Variants in LCORL observed in about 807,000 individuals in gnomAD.
LCORL encodes the protein ligand-dependent nuclear receptor corepressor-like protein.
LCORL carries 41 observed loss-of-function variants against 141.8 expected under a neutral mutation model. That is an observed-to-expected ratio of 0.29 (90% CI 0.23 to 0.38). LCORL has a LOEUF of 0.38. Among genes scored for constraint, LCORL ranks in the 10% least tolerant of loss-of-function variants. The probability of loss-of-function intolerance (pLI) is 1.00; values close to 1 mark genes in which losing one functional copy is unlikely to be tolerated. For missense variants in LCORL, 1,759 were observed against 2,035.0 expected (o/e 0.86, Z 2.61); for synonymous variants, 618 against 694.1 (o/e 0.89, Z 1.72).
At chr4:17,975,556 C>T (rs1716781969) in intron 1 of LCORL, among the ~76,000 whole-genome samples, 2 of 152,010 alleles carry the variant, frequency 1.3e-5, no homozygotes, top group African/African-American at 4.8e-5. Flanking sequence ...GCCATCACGC[C>T]CGGCTATTTT....
intron 5 of LCORL, among the ~76,000 whole-genome samples, chr4:17,901,430 C>A (rs1730861313): frequency 6.7e-6 from 1 of 150,186 alleles, no homozygotes; most frequent in Non-Finnish European, 1.5e-5. Flanking sequence ...TACCAATAAA[C>A]CCTTATTTAA....
At chr4:18,011,005 C>T (rs1366103217) in intron 1 of LCORL, among the ~76,000 whole-genome samples, 1 of 152,020 alleles carries the variant, frequency 6.6e-6, no homozygotes, top group Non-Finnish European at 1.5e-5. Flanking sequence ...TGAGGAAGAG[C>T]TCAGTTCTAT....
chr4:17,993,632 T>C (rs1339695619), intron 1 of LCORL, among the ~76,000 whole-genome samples: 3 of 152,264 alleles, frequency 2.0e-5, no homozygotes, highest in Non-Finnish European at 2.9e-5. Flanking sequence ...GGAGCCTAGT[T>C]ATGTTTTGCC....
At chr4:17,861,392 C>A (rs1295018707) in intron 7 of LCORL, among the ~76,000 whole-genome samples, 1 of 152,220 alleles carries the variant, frequency 6.6e-6, no homozygotes, top group Non-Finnish European at 1.5e-5. Context: ...ACCTCGGCCC[C>A]TTTTAGTCAC....
exon 7 of LCORL, chr4:17,874,289 T>A (rs1307375550): frequency 8.1e-7 from 1 of 1,233,854 alleles, no homozygotes; most frequent in Non-Finnish European, 1.0e-6. Context: ...ATTTCTCTGC[T>A]GATTTTGAAG....
intron 4 of LCORL, among the ~76,000 whole-genome samples, chr4:17,953,689 GA>G (rs1711945956): frequency 6.6e-6 from 1 of 152,210 alleles, no homozygotes; most frequent in Non-Finnish European, 1.5e-5. Context: ...TTTTGATTCT[GA>G]AAACATTTCT....
chr4:17,906,827 C>T (rs1482919788), intron 5 of LCORL, among the ~76,000 whole-genome samples: 1 of 151,996 alleles, frequency 6.6e-6, no homozygotes, highest in Non-Finnish European at 1.5e-5. Context: ...GCTGGGACTA[C>T]AGGCATGTGC....
At chr4:17,873,609 T>A in exon 7 of LCORL, 4 of 1,233,872 alleles carry the variant, frequency 3.2e-6, no homozygotes, top group Non-Finnish European at 4.0e-6. Flanking sequence ...ATTATTTGTG[T>A]TAGCATTTTC....
chr4:17,962,001 G>T lies in LCORL; in HGVS notation c.332C>A (p.Ser111Ter). Residue 111 changes from serine (S) to a stop codon, truncating the protein, a stop_gained, in exon 4 of 8, where the codon TCA becomes TAA. Coordinates refer to ENST00000635767, the Ensembl canonical transcript of LCORL. LOFTEE classifies it high-confidence loss of function. The stretch of plus-strand genomic sequence containing the variant: ...AGATGATAGCTCCTCTGTTGGTGTT[G>T]ACTGTGAAGAATCAAGAGATGGTAT... The T allele has an allele frequency of 6.2e-7, 1 of 1,607,832 alleles. No individual in the cohort carries two copies. The highest frequency in any genetic ancestry group is 1.1e-5 in the South Asian group (1 of 90,486).
At chr4:17,910,287 A>G (rs1003249973) in intron 4 of LCORL, among the ~76,000 whole-genome samples, 7 of 152,318 alleles carry the variant, frequency 4.6e-5, no homozygotes, top group African/African-American at 1.7e-4. Flanking sequence ...TTTTACACAC[A>G]CATTTCTGGT....
intron 2 of LCORL, among the ~76,000 whole-genome samples, chr4:17,966,843 C>A (rs1016599852): frequency 2.0e-5 from 3 of 152,076 alleles, no homozygotes; most frequent in Non-Finnish European, 2.9e-5. Context: ...GGTGGGAATG[C>A]GAAATGGTAC....
intron 7 of LCORL, among the ~76,000 whole-genome samples, chr4:17,869,002 C>T (rs1038398340): frequency 1.3e-5 from 2 of 151,808 alleles, no homozygotes; most frequent in African/African-American, 4.8e-5. Context: ...GGATTCTGCC[C>T]ACAAATTACC....
exon 8 of LCORL, chr4:17,843,563 G>C (rs1179509587): frequency 9.6e-6 from 9 of 935,826 alleles, no homozygotes; most frequent in South Asian, 8.5e-5. Flanking sequence ...ACGTTACTTT[G>C]GCCTGTATTA....
intron 1 of LCORL, among the ~76,000 whole-genome samples, chr4:18,006,960 C>T (rs1722917381): frequency 6.6e-6 from 1 of 152,126 alleles, no homozygotes; most frequent in Non-Finnish European, 1.5e-5. Flanking sequence ...TCTGTTCTTT[C>T]TCCTTTTTTC....
At chr4:17,927,892 C>T (rs546757107) in intron 4 of LCORL, among the ~76,000 whole-genome samples, 15 of 152,280 alleles carry the variant, frequency 9.9e-5, no homozygotes, top group African/African-American at 3.4e-4. Context: ...CGCAAACAGA[C>T]TTGTTCAATG....
intron 4 of LCORL, among the ~76,000 whole-genome samples, chr4:17,942,157 A>G (rs1187483669): frequency 6.6e-6 from 1 of 152,214 alleles, no homozygotes; most frequent in African/African-American, 2.4e-5. Context: ...ACAAAGTAAA[A>G]GTGTTAAAAA....
chr4:17,884,210 G>C lies in LCORL; in HGVS notation c.776+1858C>G. ...TCCTTCTAGGACTGAAGAGGTTTTG[G>C]AAACTTGATACATAACATCCAACAG... On this transcript the variant is annotated intron_variant, in intron 6 of 7. Transcript: ENST00000635767. The surrounding 1 kb of genome is among the most constrained non-coding windows in gnomAD (Gnocchi z 4.4). 6.5e-7 allele frequency: 1 copy of C among 1,549,894 alleles called. No individual in the cohort carries two copies. The highest frequency in any genetic ancestry group is 8.7e-7 in the Non-Finnish European group (1 of 1,146,124).
In LCORL at chr4:18,021,103, C is replaced by T. The variant is rs897237226; in HGVS notation, c.154+495G>A. Among the ~76,000 whole-genome samples the T allele has an allele frequency of 1.5e-4, 23 of 152,060 alleles. No homozygotes were observed. The highest frequency in any genetic ancestry group is 2.8e-4 in the Non-Finnish European group (19 of 67,990). ...GTCTCCAGGTCCAGGTCCCCGGGAACTGGCCGCGTCTGCTCACCCGGCCCC... is the reference window on the plus strand; with the variant it reads ...GTCTCCAGGTCCAGGTCCCCGGGAATTGGCCGCGTCTGCTCACCCGGCCCC... On this transcript the variant is annotated intron_variant, in intron 1 of 7. Transcript: ENST00000635767. The surrounding 1 kb of genome is among the most constrained non-coding windows in gnomAD (Gnocchi z 5.5).
intron 4 of LCORL, among the ~76,000 whole-genome samples, chr4:17,940,615 AGATAT>A (rs775839278): frequency 7.8e-4 from 118 of 151,706 alleles, no homozygotes; most frequent in South Asian, 1.0e-3. Context: ...AAATAATTAA[AGATAT>A]GATATAAAAA....
Sources: allele counts gnomAD v4.1 joint callset (sites outside exome capture counted in the v4.1 genomes callset), GRCh38; gene constraint gnomAD v4.1.1; non-coding constraint Gnocchi (gnomAD v3.1); transcripts MANE v1.5; gene names NCBI Gene and HGNC (gene_info 2026-07-23, HGNC 2026-07-21).